The following SIM1 variants were observed in gnomAD, a reference collection of about 807,000 sequenced individuals.
SIM1 encodes SIM bHLH transcription factor 1, also known as single-minded homolog 1.
Under a neutral mutation model 78.2 loss-of-function variants are expected in SIM1, and 18 were observed. The observed-to-expected ratio is 0.23, with a 90% CI of 0.16 to 0.34. SIM1 has a LOEUF of 0.34. Ranked by LOEUF, SIM1 falls within the 10% of genes least tolerant of loss-of-function variation. The pLI, the probability that SIM1 is intolerant of heterozygous loss-of-function variation, is 1.00. For missense variants in SIM1, 939 were observed against 975.1 expected, an observed-to-expected ratio of 0.96 and a Z score of 0.49; for synonymous variants, 417 against 385.2, an observed-to-expected ratio of 1.08 and a Z score of -0.97.
intron 10 of SIM1, among the ~76,000 whole-genome samples, chr6:100,407,238 C>T (rs1454378948): frequency 6.6e-6 from 1 of 152,032 alleles, no homozygotes; most frequent in Non-Finnish European, 1.5e-5. Flanking sequence ...ATTCGTCTTT[C>T]TCTATCTGGC....
In SIM1 at chr6:100,449,722, G is replaced by A. The variant is rs763442941; in HGVS notation, c.349-23C>T. 5.6e-6 allele frequency: 9 copies of A among 1,593,048 alleles called. No individual in the cohort carries two copies. The African/African-American group carries it at 6.7e-5, about 12-fold the overall frequency. On this transcript the variant is annotated intron_variant, in intron 4 of 11. Coordinates refer to ENST00000369208, the MANE Select transcript of SIM1 (RefSeq NM_005068.3). ...TACCTGTAAAGAGGAGGATGTCGCC[G>A]TCGCCGTGGCGGTGGAATGCCCGGT...
intron 10 of SIM1, among the ~76,000 whole-genome samples, chr6:100,412,556 AAAGAAAGAAAG>A (rs1562239367): frequency 0.015 from 79 of 5,414 alleles, 1 homozygote; most frequent in African/African-American, 0.035. Flanking sequence ...GAAAGAAAGA[AAAGAAAGAAAG>A]AAAGAAAGAA....
intron 7 of SIM1, 100 bp downstream of exon 7, chr6:100,448,379 C>A: frequency 1.4e-6 from 2 of 1,413,308 alleles, no homozygotes; most frequent in East Asian, 4.9e-5. Flanking sequence ...TCAGTCGCCT[C>A]ATGTGCAAAA....
At chr6:100,394,297 G>T (rs542567303) in intron 10 of SIM1, among the ~76,000 whole-genome samples, 1 of 152,358 alleles carries the variant, frequency 6.6e-6, no homozygotes, top group East Asian at 1.9e-4. Flanking sequence ...CAAAGCCACA[G>T]TGTTAGCAGG....
In SIM1 at chr6:100,448,254, T is replaced by C; in HGVS notation, c.744-2A>G. The C allele has an allele frequency of 1.2e-6, 2 of 1,609,824 alleles. No homozygotes were observed. Among genetic ancestry groups the C allele is most frequent in the Non-Finnish European group, 8.5e-7 (1 of 1,177,642 alleles). On this transcript the variant is annotated splice_acceptor_variant, in intron 7 of 11. Coordinates refer to ENST00000369208, the MANE Select transcript of SIM1 (RefSeq NM_005068.3). LOFTEE classifies it high-confidence loss of function. ...TCGTACCCCGTCAGCTCCGCCACCC[T>C]GAGGAGAGCAATCCCTGCAGGATGA...
Position 100,388,705 on chromosome 6 carries a change from C to T in SIM1, c.*1656G>A, listed in dbSNP as rs927866346. On this transcript the variant is annotated 3_prime_UTR_variant, in exon 12 of 12. Transcript: ENST00000369208. Reference sequence around the variant, plus strand: ...CAAGTTCTGCCAGTACATTCCCTTCCTTAAATATGGCAAGAGTTTTGGGCA... The same window carrying T: ...CAAGTTCTGCCAGTACATTCCCTTCTTTAAATATGGCAAGAGTTTTGGGCA... 20 of 152,086 alleles carry T rather than the reference C, an allele frequency of 1.3e-4. No homozygotes were observed. The highest frequency in any genetic ancestry group is 4.8e-4 in the African/African-American group (20 of 41,410). The allele number at this position is 152,086 out of a possible 1,614,324, so 9.4% of individuals were successfully genotyped here.
intron 9 of SIM1, among the ~76,000 whole-genome samples, chr6:100,421,971 T>C (rs1053218200): frequency 4.0e-5 from 6 of 151,656 alleles, no homozygotes; most frequent in African/African-American, 1.4e-4. Flanking sequence ...ATCATATAGC[T>C]CCTCACGTTT....
In SIM1 at chr6:100,390,167, T is replaced by C. The variant is rs973730868; in HGVS notation, c.*194A>G. 6.6e-6 allele frequency: 4 copies of C among 604,248 alleles called. No individual in the cohort carries two copies. The highest frequency in any genetic ancestry group is 1.1e-5 in the Non-Finnish European group (4 of 356,266). 37.4% of individuals were successfully genotyped at this position (604,248 alleles called of 1,614,324 possible). A position where few individuals can be genotyped will look rare whatever the true frequency, so the allele number is the denominator to read the frequency against. ...AGAGGGGAAATTTGTGTATTCAATTTAGCTCCCTTTTCTGTGTATAACCCT... is the reference window on the plus strand; with the variant it reads ...AGAGGGGAAATTTGTGTATTCAATTCAGCTCCCTTTTCTGTGTATAACCCT... On this transcript the variant is annotated 3_prime_UTR_variant, in exon 12 of 12. Coordinates refer to ENST00000369208, the MANE Select transcript of SIM1 (RefSeq NM_005068.3).
intron 2 of SIM1, among the ~76,000 whole-genome samples, chr6:100,457,996 GTCTCTCTCTTTCTC>G (rs1315516096): frequency 1.1e-4 from 12 of 107,722 alleles, no homozygotes; most frequent in Admixed American, 2.7e-4. Context: ...ACCGCTGTCT[GTCTCTCTCTTTCTC>G]TCTCTCTCTC....
chr6:100,453,638 T>G, intron 3 of SIM1, 124 bp downstream of exon 3: 24 of 734,382 alleles, frequency 3.3e-5, no homozygotes, highest in Non-Finnish European at 4.8e-5. Context: ...CGGATCCCTG[T>G]TTTTGTGGGG....
At chr6:100,450,551 A>G (rs1414773469) in intron 3 of SIM1, among the ~76,000 whole-genome samples, 195 bp from the exon 4 acceptor site, 1 of 152,232 alleles carries the variant, frequency 6.6e-6, no homozygotes, top group Non-Finnish European at 1.5e-5. Flanking sequence ...CATCTGGGGC[A>G]TGCAGCCCAA....
chr6:100,436,020 A>T (rs1332690046), intron 9 of SIM1, among the ~76,000 whole-genome samples: 2 of 151,856 alleles, frequency 1.3e-5, no homozygotes, highest in African/African-American at 4.8e-5. Context: ...AGACACACAC[A>T]CACCCCTCCC....
intron 9 of SIM1, among the ~76,000 whole-genome samples, chr6:100,428,406 A>G (rs2114514397): frequency 6.6e-6 from 1 of 152,348 alleles, no homozygotes; most frequent in South Asian, 2.1e-4. Flanking sequence ...GATATGAACA[A>G]TGCACAAATT....
At chr6:100,449,812 A>G in intron 4 of SIM1, 113 bp from the exon 5 acceptor site, 2 of 837,734 alleles carry the variant, frequency 2.4e-6, no homozygotes, top group Non-Finnish European at 3.9e-6. Context: ...AGAATTCTGG[A>G]ATTGGCCCTG....
intron 10 of SIM1, among the ~76,000 whole-genome samples, chr6:100,414,379 T>C (rs545973501): frequency 3.0e-4 from 45 of 152,324 alleles, no homozygotes; most frequent in Non-Finnish European, 5.0e-4. Context: ...AGTATTTAAC[T>C]AAATGCAAGA....
chr6:100,464,224 G>A (rs2114563485), intron 1 of SIM1, among the ~76,000 whole-genome samples: 1 of 152,264 alleles, frequency 6.6e-6, no homozygotes, highest in Middle Eastern at 3.4e-3. Context: ...GCGGATCCCC[G>A]AGTCCGCGCC....
chr6:100,391,648 A>G (rs1770641650), intron 11 of SIM1, among the ~76,000 whole-genome samples: 1 of 152,216 alleles, frequency 6.6e-6, no homozygotes, highest in Non-Finnish European at 1.5e-5. Flanking sequence ...TATCTTAAGT[A>G]CGGTTACAAT....
Position 100,393,467 on chromosome 6 carries a change from A to G in SIM1, c.1570+20T>C, listed in dbSNP as rs1385788688. On this transcript the variant is annotated intron_variant, in intron 11 of 11. Transcript: ENST00000369208. ...AGGGCCTAATGCTTGGAGTTCGGGA[A>G]CCCTTTCACCTGCTCTTACCATGGA... 1.3e-6 allele frequency: 2 copies of G among 1,498,362 alleles called. No homozygotes were observed. The highest frequency in any genetic ancestry group is 8.9e-7 in the Non-Finnish European group (1 of 1,123,066). 92.8% of individuals were successfully genotyped at this position (1,498,362 alleles called of 1,614,324 possible).
intron 9 of SIM1, among the ~76,000 whole-genome samples, chr6:100,427,907 A>G (rs1386873856): frequency 6.6e-6 from 1 of 152,222 alleles, no homozygotes; most frequent in Non-Finnish European, 1.5e-5. Flanking sequence ...TACTGTCTAG[A>G]CAGTATCTCA....
Sources: allele counts gnomAD v4.1 joint callset (sites outside exome capture counted in the v4.1 genomes callset), GRCh38; gene constraint gnomAD v4.1.1; transcripts MANE v1.5; gene names NCBI Gene and HGNC (gene_info 2026-07-23, HGNC 2026-07-21).